The following ANKS1B variants were observed in gnomAD, a reference collection of about 807,000 sequenced individuals.
ANKS1B encodes ankyrin repeat and sterile alpha motif domain containing 1B.
ANKS1B carries 36 observed loss-of-function variants against 148.3 expected under a neutral mutation model. That is an observed-to-expected ratio of 0.24 (90% CI 0.19 to 0.32). The LOEUF (loss-of-function observed/expected upper bound fraction) is 0.32, where lower values mean the gene tolerates loss of function less well. Among genes scored for constraint, ANKS1B ranks in the 10% least tolerant of loss-of-function variants. The pLI, the probability that ANKS1B is intolerant of heterozygous loss-of-function variation, is 1.00. For synonymous variants in ANKS1B, 542 were observed against 560.8 expected (o/e 0.97, Z 0.47); for missense variants, 1,157 against 1,542.6 (o/e 0.75, Z 4.19).
chr12:99,002,485 T>C (rs1598306160), intron 17 of ANKS1B, among the ~76,000 whole-genome samples: 1 of 113,982 alleles, frequency 8.8e-6, no homozygotes, highest in East Asian at 2.1e-4. Flanking sequence ...CATGTACTTA[T>C]CTCTCTTTTT....
intron 9 of ANKS1B, among the ~76,000 whole-genome samples, chr12:99,527,992 C>G (rs532806582): frequency 3.8e-4 from 58 of 151,774 alleles, no homozygotes; most frequent in African/African-American, 1.4e-3. Context: ...GCTACAGTAA[C>G]CAAAACAGCA....
chr12:99,699,906 C>T (rs1235195773), intron 8 of ANKS1B, among the ~76,000 whole-genome samples: 1 of 152,156 alleles, frequency 6.6e-6, no homozygotes, highest in Non-Finnish European at 1.5e-5. Flanking sequence ...ACCCTGAAAG[C>T]ACCTTTTAAA....
downstream of ANKS1B, among the ~76,000 whole-genome samples, chr12:98,742,131 G>A (rs992347064): frequency 6.6e-6 from 1 of 152,238 alleles, no homozygotes; most frequent in African/African-American, 2.4e-5. Context: ...TAGCTCATCT[G>A]TACTCGTGAA....
At chr12:99,653,643 A>G (rs7975185) in intron 9 of ANKS1B, among the ~76,000 whole-genome samples, 19,791 of 151,054 alleles carry the variant, frequency 0.13, 1,952 homozygotes, top group East Asian at 0.45. Flanking sequence ...TTTGCTTGAT[A>G]AAGAAGACAT....
At chr12:99,731,795 CAT>C (rs1186532508) in intron 8 of ANKS1B, among the ~76,000 whole-genome samples, 1 of 152,062 alleles carries the variant, frequency 6.6e-6, no homozygotes, top group African/African-American at 2.4e-5. Flanking sequence ...ATCATACACA[CAT>C]AAAAACTGTA....
intron 17 of ANKS1B, among the ~76,000 whole-genome samples, chr12:99,020,144 T>C (rs2099944908): frequency 6.6e-6 from 1 of 151,986 alleles, no homozygotes; most frequent in Admixed American, 6.6e-5. Flanking sequence ...CACAGTTCTG[T>C]GGCATTAAGT....
At chr12:99,015,501 C>A (rs1156312451) in intron 17 of ANKS1B, among the ~76,000 whole-genome samples, 1 of 152,014 alleles carries the variant, frequency 6.6e-6, no homozygotes, top group Non-Finnish European at 1.5e-5. Context: ...GCACTTGTAC[C>A]CCTGAGTGTA....
At chr12:99,157,615 C>T (rs576058422) in intron 14 of ANKS1B, among the ~76,000 whole-genome samples, 6 of 151,384 alleles carry the variant, frequency 4.0e-5, no homozygotes, top group Admixed American at 3.3e-4. Context: ...TGTGTGTGCA[C>T]AAAACATAGA....
At chr12:99,803,280 C>CCT (rs1567877323) in intron 4 of ANKS1B, among the ~76,000 whole-genome samples, 1 of 135,416 alleles carries the variant, frequency 7.4e-6, no homozygotes, top group African/African-American at 2.7e-5. Flanking sequence ...TATTCACCCC[C>CCT]CCCCAAAAAA....
At chr12:99,978,900 C>T (rs1272723932) in intron 1 of ANKS1B, among the ~76,000 whole-genome samples, 1 of 152,128 alleles carries the variant, frequency 6.6e-6, no homozygotes, top group Admixed American at 6.5e-5. Flanking sequence ...TAAAACTCAA[C>T]TCTTCGAGGC....
intron 11 of ANKS1B, among the ~76,000 whole-genome samples, chr12:99,400,074 A>C (rs887109416): frequency 1.3e-5 from 2 of 152,188 alleles, no homozygotes; most frequent in Non-Finnish European, 2.9e-5. Flanking sequence ...GATTGTAAAA[A>C]TATAGTGCAC....
intron 10 of ANKS1B, among the ~76,000 whole-genome samples, chr12:99,498,382 T>C (rs971643586): frequency 6.6e-6 from 1 of 152,300 alleles, no homozygotes; most frequent in Non-Finnish European, 1.5e-5. Context: ...GCATAGTCTC[T>C]GAATGTACTC....
chr12:98,767,011 G>T (rs1406655010), intron 25 of ANKS1B, among the ~76,000 whole-genome samples: 2 of 149,926 alleles, frequency 1.3e-5, no homozygotes, highest in Non-Finnish European at 3.0e-5. Flanking sequence ...CAGACATGGG[G>T]TTGCCCTATG....
intron 9 of ANKS1B, among the ~76,000 whole-genome samples, chr12:99,616,860 C>T (rs1171276793): frequency 6.6e-6 from 1 of 152,004 alleles, no homozygotes; most frequent in Non-Finnish European, 1.5e-5. Flanking sequence ...AGGCAACCTA[C>T]AGAATGAGAG....
At chr12:99,474,296 T>C (rs975157332) in intron 10 of ANKS1B, among the ~76,000 whole-genome samples, 4 of 152,114 alleles carry the variant, frequency 2.6e-5, no homozygotes, top group Non-Finnish European at 4.4e-5. Flanking sequence ...TCATTAAGGT[T>C]TGATAAAACT....
chr12:99,905,780 C>T (rs1033935610), intron 1 of ANKS1B, among the ~76,000 whole-genome samples: 1 of 152,114 alleles, frequency 6.6e-6, no homozygotes, highest in Non-Finnish European at 1.5e-5. Flanking sequence ...TATAGAGATA[C>T]CAGTCATATT....
chr12:99,511,392 C>T (rs966598478), intron 9 of ANKS1B, among the ~76,000 whole-genome samples: 1 of 151,894 alleles, frequency 6.6e-6, no homozygotes, highest in Admixed American at 6.6e-5. Context: ...GAACTACAAA[C>T]CACTGTTCAA....
At chr12:99,496,380 T>C (rs1287401067) in intron 10 of ANKS1B, among the ~76,000 whole-genome samples, 3 of 152,232 alleles carry the variant, frequency 2.0e-5, no homozygotes, top group Admixed American at 6.5e-5. Flanking sequence ...CATTCGTTCA[T>C]TCAATTATTC....
rs547506870 is a variant in ANKS1B, at chr12:99,039,131, T to C, written c.2778+14026A>G. Among the ~76,000 whole-genome samples the C allele has an allele frequency of 5.3e-5, 8 of 152,242 alleles. No individual in the cohort carries two copies. In the East Asian group the frequency reaches 1.2e-3, roughly 22 times the overall value. ...TAAATACTACATATACTTCTTCATA[T>C]GTCGTCTTCCCAGTTGGACACTTTC... On this transcript the variant is annotated intron_variant, in intron 17 of 26. Transcript: ENST00000683438.
Sources: gnomAD v4.1 joint callset for allele counts (sites outside exome capture counted in the v4.1 genomes callset) on GRCh38, gnomAD v4.1.1 for gene constraint, MANE v1.5 for transcripts, NCBI Gene and HGNC (gene_info 2026-07-23, HGNC 2026-07-21) for gene names.